The following ADPRHL1 variants were observed in gnomAD, a reference collection of about 807,000 sequenced individuals.
ADPRHL1 encodes ADP-ribosylhydrolase like 1, also known as inactive ADP-ribosyltransferase ARH2.
In ADPRHL1, 43 loss-of-function variants were observed where a neutral mutation model predicts 44.1. The ratio of observed to expected loss-of-function variants is 0.98; its 90% CI spans 0.76 to 1.26. The LOEUF is 1.26. Ranked by LOEUF, ADPRHL1 falls within the 50% of genes most tolerant of loss-of-function variation. ADPRHL1 has a pLI of 0.00. For missense variants in ADPRHL1, 2,022 were observed against 2,496.9 expected (o/e 0.81, Z 4.05); for synonymous variants, 878 against 1,017.4 (o/e 0.86, Z 2.61).
At chr13:113,408,729 G>A (rs2043827078) in intron 7 of ADPRHL1, among the ~76,000 whole-genome samples, 1 of 152,180 alleles carries the variant, frequency 6.6e-6, no homozygotes, top group African/African-American at 2.4e-5. Flanking sequence ...AGCAGAGACT[G>A]AAGATTCAGC....
chr13:113,405,743 G>A lies in ADPRHL1; in HGVS notation c.3539C>T (p.Ser1180Phe). ...HSHGLLAPGGSLEPKSGAAGR... is the reference protein window; with the variant it reads ...HSHGLLAPGGFLEPKSGAAGR... ...TGCTGCTCCACTCTTGGGCTCCAAG[G>A]ATCCCCCAGGGGCCAGGAGGCCGTG... The change falls in exon 8 of 8, where the codon TCC (serine) becomes TTC (phenylalanine). Residue 1180 changes from serine (S) to phenylalanine (F), a missense_variant. Ser to Phe is a radical substitution (Grantham distance 155). Coordinates refer to ENST00000612156, the MANE Select transcript of ADPRHL1 (RefSeq NM_001394807.1). 1 of 1,231,858 alleles carries A rather than the reference G, an allele frequency of 8.1e-7. No homozygotes were observed. The highest frequency in any genetic ancestry group is 1.0e-6 in the Non-Finnish European group (1 of 988,052). 76.3% of individuals were successfully genotyped at this position (1,231,858 alleles called of 1,614,324 possible).
At chr13:113,417,983 C>A (rs914522403) in intron 7 of ADPRHL1, among the ~76,000 whole-genome samples, 3 of 152,174 alleles carry the variant, frequency 2.0e-5, no homozygotes, top group Non-Finnish European at 4.4e-5. Flanking sequence ...ATACCCACAG[C>A]CAAAACAGGT....
chr13:113,437,897 T>C (rs2044072723), intron 2 of ADPRHL1, among the ~76,000 whole-genome samples: 1 of 152,206 alleles, frequency 6.6e-6, no homozygotes, highest in Non-Finnish European at 1.5e-5. Flanking sequence ...AGCAGCCTAA[T>C]CTTAGCTCAG....
At chr13:113,410,642 A>G (rs902513674) in intron 7 of ADPRHL1, among the ~76,000 whole-genome samples, 8 of 152,156 alleles carry the variant, frequency 5.3e-5, no homozygotes, top group South Asian at 2.1e-4. Context: ...CTGTGTCCCT[A>G]TGGCTGGTAA....
Position 113,409,331 on chromosome 13 carries a change from C to T in ADPRHL1, c.1062-1111G>A. 1 of 985,398 alleles carries T rather than the reference C, an allele frequency of 1.0e-6. No individual in the cohort carries two copies. The highest frequency in any genetic ancestry group is 1.2e-6 in the Non-Finnish European group (1 of 829,928). The allele number at this position is 985,398 out of a possible 1,614,324, so 61.0% of individuals were successfully genotyped here. The stretch of plus-strand genomic sequence containing the variant: ...CCCAGATGATAATTTTGGGTAGACG[C>T]ACCCAGAATCTTAGCTGTCACACCT... On this transcript the variant is annotated intron_variant, in intron 7 of 7. Coordinates refer to ENST00000612156, the MANE Select transcript of ADPRHL1 (RefSeq NM_001394807.1). This position sits in a 1 kb window ranked among gnomAD's most constrained non-coding sequence, Gnocchi z 4.2.
At chr13:113,419,651 G>A (rs1041616402) in intron 7 of ADPRHL1, among the ~76,000 whole-genome samples, 11 of 152,148 alleles carry the variant, frequency 7.2e-5, no homozygotes, top group East Asian at 5.8e-4. Context: ...CCACTCACGC[G>A]ATGGAAACCA....
chr13:113,434,519 CATGTAGAGTGA>C (rs1566477384), intron 2 of ADPRHL1, among the ~76,000 whole-genome samples: 4 of 138,670 alleles, frequency 2.9e-5, no homozygotes, highest in Non-Finnish European at 6.2e-5. Context: ...CCAGCATCCA[CATGTAGAGTGA>C]ACACAGGTGT....
At chr13:113,417,297 C>A (rs1469118738) in intron 7 of ADPRHL1, among the ~76,000 whole-genome samples, 1 of 152,186 alleles carries the variant, frequency 6.6e-6, no homozygotes, top group African/African-American at 2.4e-5. Flanking sequence ...CCTGTCTTGC[C>A]CGAGGGAGAG....
chr13:113,440,697 C>T (rs1263264468), intron 2 of ADPRHL1, among the ~76,000 whole-genome samples: 4 of 152,046 alleles, frequency 2.6e-5, no homozygotes, highest in Non-Finnish European at 4.4e-5. Context: ...TCAGATGATC[C>T]ACCCGCCTTG....
chr13:113,445,484 C>A (rs187515744), intron 1 of ADPRHL1, among the ~76,000 whole-genome samples: 1 of 152,268 alleles, frequency 6.6e-6, no homozygotes, highest in African/African-American at 2.4e-5. Flanking sequence ...CCCCTCCCAA[C>A]GGCCACTTTA....
At chr13:113,417,784 G>C (rs1029010659) in intron 7 of ADPRHL1, among the ~76,000 whole-genome samples, 1 of 152,260 alleles carries the variant, frequency 6.6e-6, no homozygotes, top group East Asian at 1.9e-4. Context: ...GTGTTAACTG[G>C]AAATGCGTTT....
In ADPRHL1 at chr13:113,405,107, G is replaced by C; in HGVS notation, c.4175C>G (p.Pro1392Arg). Reference protein sequence around the residue: ...SHQAQEETPQPGDAGKRVAPS... With the variant: ...SHQAQEETPQRGDAGKRVAPS... The stretch of plus-strand genomic sequence containing the variant: ...CGCCACCCTCTTCCCCGCATCCCCG[G>C]GCTGGGGGGTCTCCTCCTGTGCCTG... The change falls in exon 8 of 8, where the codon CCC becomes CGC. Residue 1392 changes from proline to arginine, a missense_variant. Transcript: ENST00000612156. 8.1e-7 allele frequency: 1 copy of C among 1,232,232 alleles called. No homozygotes were observed. The highest frequency in any genetic ancestry group is 1.0e-6 in the Non-Finnish European group (1 of 988,342). 76.3% of individuals were successfully genotyped at this position (1,232,232 alleles called of 1,614,324 possible). A position where few individuals can be genotyped will look rare whatever the true frequency, so the allele number is the denominator to read the frequency against.
Position 113,406,463 on chromosome 13 carries a change from G to A in ADPRHL1, c.2819C>T (p.Pro940Leu). The A allele has an allele frequency of 1.6e-6, 2 of 1,231,988 alleles. No individual in the cohort carries two copies. The highest frequency in any genetic ancestry group is 2.0e-6 in the Non-Finnish European group (2 of 987,970). 76.3% of individuals were successfully genotyped at this position (1,231,988 alleles called of 1,614,324 possible). A position where few individuals can be genotyped will look rare whatever the true frequency, so the allele number is the denominator to read the frequency against. ...RGAVGADHSV[P>L]ETLLTQRLQT... Reference sequence around the variant, plus strand: ...GAGTCTCTGTGTCAGAAGTGTCTCTGGGACACTGTGGTCGGCGCCCACAGC... The same window carrying A: ...GAGTCTCTGTGTCAGAAGTGTCTCTAGGACACTGTGGTCGGCGCCCACAGC... The change falls in exon 8 of 8, where the codon CCA (proline) becomes CTA (leucine). Residue 940 changes from proline (P) to leucine (L), a missense_variant. By Grantham distance (98) the Pro-to-Leu change is moderately conservative. Around this residue, in one of 8 missense-constraint regions of ADPRHL1, gnomAD observed 1,221 missense variants for 1,517.8 expected, o/e 0.80. Coordinates refer to ENST00000612156, the MANE Select transcript of ADPRHL1 (RefSeq NM_001394807.1).
chr13:113,431,230 G>A (rs1448869835), intron 3 of ADPRHL1, among the ~76,000 whole-genome samples: 1 of 152,244 alleles, frequency 6.6e-6, no homozygotes, highest in African/African-American at 2.4e-5. Context: ...GGCTGTCGTG[G>A]GGAAAAGATG....
At chr13:113,436,888 G>T (rs2044062767) in intron 2 of ADPRHL1, among the ~76,000 whole-genome samples, 2 of 144,968 alleles carry the variant, frequency 1.4e-5, no homozygotes, top group African/African-American at 5.1e-5. Context: ...AGTGAACATA[G>T]GTGTACCCTG....
chr13:113,407,534 T>G lies in ADPRHL1; in HGVS notation c.1748A>C (p.Lys583Thr). 2 of 1,232,226 alleles carry G rather than the reference T, an allele frequency of 1.6e-6. No individual in the cohort carries two copies. Among genetic ancestry groups the G allele is most frequent in the Non-Finnish European group, 1.0e-6 (1 of 988,112 alleles). 76.3% of individuals were successfully genotyped at this position (1,232,226 alleles called of 1,614,324 possible). Reference protein sequence around the residue: ...QERKKRNLQRKRMHRPEVRVL... With the variant: ...QERKKRNLQRTRMHRPEVRVL... ...GCGCACCTCCGGCCGGTGCATCCTC[T>G]TCCTCTGCAGGTTCCTCTTCTTCCG... is the stretch of plus-strand genomic sequence containing the variant. The change falls in exon 8 of 8, where the codon AAG (lysine) becomes ACG (threonine). Residue 583 changes from lysine to threonine, a missense_variant. Physicochemically the swap from Lys to Thr is moderately conservative, Grantham distance 78. This residue lies in a region of ADPRHL1 where 1,221 missense variants were observed against 1,517.8 expected (regional missense o/e 0.80). Coordinates refer to ENST00000612156, the MANE Select transcript of ADPRHL1 (RefSeq NM_001394807.1).
chr13:113,405,136 ACT>A lies in ADPRHL1; in HGVS notation c.4144_4145del (p.His1383ProfsTer57), dbSNP rs2043797827. On this transcript the variant is annotated frameshift_variant, in exon 8 of 8. Coordinates refer to ENST00000612156, the MANE Select transcript of ADPRHL1 (RefSeq NM_001394807.1). LOFTEE classifies it low-confidence loss of function (END_TRUNC). ...GGGGGGTCTCCTCCTGTGCCTGGTG[ACT>A]CTGTTGCCTCCCCAGGTCCGCCTGT... ...LTQADLGRQQ[S>X]HQAQEETPQP... The A allele has an allele frequency of 2.5e-5, 31 of 1,231,858 alleles. No homozygotes were observed. The highest frequency in any genetic ancestry group is 3.0e-5 in the Non-Finnish European group (30 of 988,168). 76.3% of individuals were successfully genotyped at this position (1,231,858 alleles called of 1,614,324 possible).
At chr13:113,444,872 C>T (rs182964286) in intron 1 of ADPRHL1, among the ~76,000 whole-genome samples, 280 of 152,294 alleles carry the variant, frequency 1.8e-3, no homozygotes, top group African/African-American at 6.6e-3. Flanking sequence ...ATCTGCCCAC[C>T]TCAGCCTCCC....
intron 7 of ADPRHL1, among the ~76,000 whole-genome samples, chr13:113,415,231 G>A (rs1268650974): frequency 6.6e-6 from 1 of 152,184 alleles, no homozygotes; most frequent in Non-Finnish European, 1.5e-5. Flanking sequence ...TTCTGGAGAC[G>A]CGGACCTGCC....
Sources: allele counts gnomAD v4.1 joint callset (sites outside exome capture counted in the v4.1 genomes callset), GRCh38; gene constraint gnomAD v4.1.1; regional missense constraint gnomAD v4.1.1; non-coding constraint Gnocchi (gnomAD v3.1); transcripts MANE v1.5; gene names NCBI Gene and HGNC (gene_info 2026-07-23, HGNC 2026-07-21).